Variants in ANKS1B observed in about 807,000 individuals in gnomAD.
The protein encoded by ANKS1B is ankyrin repeat and sterile alpha motif domain containing 1B.
Under a neutral mutation model 148.3 loss-of-function variants are expected in ANKS1B, and 36 were observed. That is an observed-to-expected ratio of 0.24 (90% confidence interval 0.19 to 0.32). ANKS1B has a LOEUF of 0.32. Ranked by LOEUF, ANKS1B falls within the 10% of genes least tolerant of loss-of-function variation. The probability of loss-of-function intolerance (pLI) is 1.00; values close to 1 mark genes in which losing one functional copy is unlikely to be tolerated. For synonymous variants in ANKS1B, 542 were observed against 560.8 expected (o/e 0.97, Z 0.47); for missense variants, 1,157 against 1,542.6 (o/e 0.75, Z 4.19).
At chr12:99,541,646 G>A (rs146416305) in intron 9 of ANKS1B, among the ~76,000 whole-genome samples, 1,982 of 152,186 alleles carry the variant, frequency 0.013, 46 homozygotes, top group African/African-American at 0.045. Context: ...CCTGAGGTCA[G>A]GAGCTCGAGA....
chr12:99,499,957 C>T (rs908960990), intron 10 of ANKS1B, among the ~76,000 whole-genome samples: 2 of 151,366 alleles, frequency 1.3e-5, no homozygotes, highest in Admixed American at 6.6e-5. Flanking sequence ...GGAAGAGCCC[C>T]AAAGCCAGTG....
At chr12:99,597,767 G>A (rs539620484) in intron 9 of ANKS1B, among the ~76,000 whole-genome samples, 11 of 151,872 alleles carry the variant, frequency 7.2e-5, no homozygotes, top group African/African-American at 2.2e-4. Flanking sequence ...CAAAAACATC[G>A]AATGGCGCCT....
intron 10 of ANKS1B, among the ~76,000 whole-genome samples, chr12:99,465,512 G>C (rs557629468): frequency 1.8e-4 from 27 of 152,158 alleles, no homozygotes; most frequent in Middle Eastern, 3.4e-3. Flanking sequence ...TGGATAAAGA[G>C]TCAAGACCCA....
intron 1 of ANKS1B, among the ~76,000 whole-genome samples, chr12:99,857,880 A>C (rs61940314): frequency 0.2 from 29,691 of 152,154 alleles, 3,192 homozygotes; most frequent in Non-Finnish European, 0.25. Context: ...TTACACAAAA[A>C]TAAGCTCAAG....
At chr12:99,395,788 G>T (rs2094223173) in intron 12 of ANKS1B, among the ~76,000 whole-genome samples, 1 of 151,994 alleles carries the variant, frequency 6.6e-6, no homozygotes, top group African/African-American at 2.4e-5. Context: ...TAAATTCATT[G>T]GTTCACTTAA....
intron 1 of ANKS1B, among the ~76,000 whole-genome samples, chr12:99,865,664 G>A (rs927826512): frequency 2.6e-5 from 4 of 152,250 alleles, no homozygotes; most frequent in Admixed American, 6.5e-5. Context: ...GCAGACATCC[G>A]AACCCAAGTA....
At chr12:99,894,329 G>GAGGGAGAGAAAGAAAAGA (rs1196013915) in intron 1 of ANKS1B, among the ~76,000 whole-genome samples, 2 of 78,078 alleles carry the variant, frequency 2.6e-5, no homozygotes, top group African/African-American at 5.1e-5. Context: ...GGGAGGGAGG[G>GAGGGAGAGAAAGAAAAGA]AAAGAAAAGA....
chr12:99,301,046 G>A (rs371727039), intron 12 of ANKS1B, among the ~76,000 whole-genome samples: 2 of 152,138 alleles, frequency 1.3e-5, no homozygotes, highest in South Asian at 4.1e-4. Flanking sequence ...GAGAACCGGG[G>A]AGCCAATGGT....
chr12:98,884,331 C>T (rs964002333), intron 17 of ANKS1B, among the ~76,000 whole-genome samples: 1 of 152,146 alleles, frequency 6.6e-6, no homozygotes, highest in African/African-American at 2.4e-5. Context: ...TAACCTGATA[C>T]GTTTGTACTG....
intron 10 of ANKS1B, among the ~76,000 whole-genome samples, chr12:99,503,617 T>A (rs2096676854): frequency 6.6e-6 from 1 of 152,142 alleles, no homozygotes; most frequent in African/African-American, 2.4e-5. Flanking sequence ...TCTTCTAATC[T>A]CCTTGAAAGA....
intron 1 of ANKS1B, among the ~76,000 whole-genome samples, chr12:99,871,366 T>C (rs1374955388): frequency 6.6e-6 from 1 of 152,222 alleles, no homozygotes; most frequent in Non-Finnish European, 1.5e-5. Context: ...TTTGTTCTTT[T>C]TGCTTACGAT....
intron 8 of ANKS1B, among the ~76,000 whole-genome samples, chr12:99,690,023 G>A (rs1208875245): frequency 6.6e-6 from 1 of 152,146 alleles, no homozygotes; most frequent in East Asian, 1.9e-4. Context: ...GAGGCCTCAG[G>A]AAACTTACAA....
chr12:98,746,541 C>T (rs1330956007), intron 26 of ANKS1B, among the ~76,000 whole-genome samples: 1 of 152,218 alleles, frequency 6.6e-6, no homozygotes, highest in East Asian at 1.9e-4. Flanking sequence ...TTTCTGCTCT[C>T]CTCTTCTGCC....
intron 9 of ANKS1B, among the ~76,000 whole-genome samples, chr12:99,588,512 G>A (rs972397238): frequency 4.6e-5 from 7 of 150,908 alleles, no homozygotes; most frequent in Non-Finnish European, 8.9e-5. Context: ...CACCTCCCGG[G>A]TTCATGCTAT....
intron 15 of ANKS1B, among the ~76,000 whole-genome samples, chr12:99,139,440 T>TTCTTTC (rs201769650): frequency 0.062 from 295 of 4,726 alleles, 120 homozygotes; most frequent in African/African-American, 0.2. Context: ...CTTTCTTTCT[T>TTCTTTC]TTTCTTTCTT....
At position 99,665,488 on chromosome 12, in the gene ANKS1B, C is replaced by T. The variant is rs953228651; in HGVS notation, c.1129-10278G>A. Among the ~76,000 whole-genome samples, 9 of 144,394 alleles carry T rather than the reference C, an allele frequency of 6.2e-5. No homozygotes were observed. In the East Asian group the frequency reaches 1.0e-3, roughly 16 times the overall value. 94.7% of individuals were successfully genotyped at this position (144,394 alleles called of 152,430 possible). ...ACATTTTTATTAGGTTGTTCGACTT[C>T]TTTTTTTTTTTTTAGACGGAGTATC... On this transcript the variant is annotated intron_variant, in intron 8 of 26. Coordinates refer to ENST00000683438, the MANE Select transcript of ANKS1B (RefSeq NM_001352186.2).
intron 8 of ANKS1B, among the ~76,000 whole-genome samples, chr12:99,731,739 T>C (rs922416349): frequency 6.6e-6 from 1 of 152,146 alleles, no homozygotes; most frequent in African/African-American, 2.4e-5. Context: ...TTATTTGTAA[T>C]TTTGGGATAG....
At chr12:99,742,757 G>A (rs943956832) in intron 8 of ANKS1B, among the ~76,000 whole-genome samples, 2 of 148,446 alleles carry the variant, frequency 1.3e-5, no homozygotes, top group African/African-American at 5.0e-5. Context: ...AGAATCTCTT[G>A]AACCCGGGAG....
chr12:99,545,427 C>G (rs2097163339), intron 9 of ANKS1B, among the ~76,000 whole-genome samples: 1 of 152,074 alleles, frequency 6.6e-6, no homozygotes, highest in Admixed American at 6.6e-5. Context: ...TAGACAATAT[C>G]CCCTTGAATG....
Sources: gnomAD v4.1 joint callset for allele counts (sites outside exome capture counted in the v4.1 genomes callset) on GRCh38, gnomAD v4.1.1 for gene constraint, MANE v1.5 for transcripts, NCBI Gene and HGNC (gene_info 2026-07-23, HGNC 2026-07-21) for gene names.